MTO1: variants seen among roughly 807,000 people sequenced by gnomAD.
MTO1 encodes the protein 5-taurinomethyluridine-[tRNA] synthase subunit MTO1, mitochondrial.
MTO1 carries 46 observed loss-of-function variants against 71.6 expected under a neutral mutation model. The ratio of observed to expected loss-of-function variants is 0.64; its 90% CI spans 0.51 to 0.82. The LOEUF (loss-of-function observed/expected upper bound fraction) is 0.82, where lower values mean the gene tolerates loss of function less well. Among genes scored for constraint, MTO1 ranks in the 40% least tolerant of loss-of-function variants. The pLI, the probability that MTO1 is intolerant of heterozygous loss-of-function variation, is 0.00. For synonymous variants in MTO1, 297 were observed against 312.1 expected (o/e 0.95, Z 0.51); for missense variants, 773 against 867.5 (o/e 0.89, Z 1.37).
chr6:73,478,244 CA>C (rs34143098), intron 4 of MTO1, among the ~76,000 whole-genome samples: 26,139 of 100,752 alleles, frequency 0.26, 2,222 homozygotes, highest in Middle Eastern at 0.35. Flanking sequence ...GACTCTGTCT[CA>C]AAAAAAAAAA....
rs1177358971 is a variant in MTO1 at position 73,504,760 on chromosome 6, A to C, written c.*4025A>C. ...AAATAAGCCAAGCATGGTGGCACGTACCTGTTGTTCCAGCAACTTGGGGGC... is the reference window on the plus strand; with the variant it reads ...AAATAAGCCAAGCATGGTGGCACGTCCCTGTTGTTCCAGCAACTTGGGGGC... On this transcript the variant is annotated 3_prime_UTR_variant, in exon 12 of 12. Transcript: ENST00000498286. 6.6e-6 allele frequency: 1 copy of C among 152,140 alleles called. No homozygotes were observed. The highest frequency in any genetic ancestry group is 1.9e-4 in the East Asian group (1 of 5,180). The allele number at this position is 152,140 out of a possible 1,614,324, so 9.4% of individuals were successfully genotyped here.
At position 73,508,365 on chromosome 6, in the gene MTO1, G is replaced by T. The variant is rs1412068022; in HGVS notation, c.*7630G>T. On this transcript the variant is annotated 3_prime_UTR_variant, in exon 12 of 12. Coordinates refer to ENST00000498286, the MANE Select transcript of MTO1 (RefSeq NM_012123.4). ...CTTTTAGAATTCTCTTTTAGAGTTG[G>T]TCTACATCCTTTTAAAACATGGGCA... 6.6e-6 allele frequency: 1 copy of T among 151,916 alleles called. No individual in the cohort carries two copies. The highest frequency in any genetic ancestry group is 1.9e-4 in the East Asian group (1 of 5,200). The allele number at this position is 151,916 out of a possible 1,614,324, so 9.4% of individuals were successfully genotyped here.
chr6:73,492,597 C>T (rs1208569353), intron 10 of MTO1: 2 of 342,408 alleles, frequency 5.8e-6, no homozygotes, highest in Non-Finnish European at 1.1e-5. Flanking sequence ...ATTTCTTGAG[C>T]CTGGGCATTC....
chr6:73,472,542 T>G (rs1274219380), intron 3 of MTO1, among the ~76,000 whole-genome samples: 1 of 152,208 alleles, frequency 6.6e-6, no homozygotes, highest in Non-Finnish European at 1.5e-5. Flanking sequence ...TTCTTACTCA[T>G]TTAAAATTCT....
At chr6:73,470,122 C>T (rs1033207067) in intron 3 of MTO1, among the ~76,000 whole-genome samples, 1 of 152,154 alleles carries the variant, frequency 6.6e-6, no homozygotes, top group Non-Finnish European at 1.5e-5. Flanking sequence ...TACCCACTAG[C>T]GTTCTGGGAA....
rs1432742219 is a variant in MTO1, at chr6:73,461,746, C to T, written c.-109C>T. On this transcript the variant is annotated 5_prime_UTR_variant, in exon 1 of 12. Transcript: ENST00000498286. ...GACGCTGGACGTAGACGTCCTACCC[C>T]GTGATATTAAAGCAAGATGGCCGCG... The T allele has an allele frequency of 8.2e-7, 1 of 1,220,580 alleles. No homozygotes were observed. Among genetic ancestry groups the T allele is most frequent in the Non-Finnish European group, 1.2e-6 (1 of 863,296 alleles). The allele number at this position is 1,220,580 out of a possible 1,614,324, so 75.6% of individuals were successfully genotyped here. A position where few individuals can be genotyped will look rare whatever the true frequency, so the allele number is the denominator to read the frequency against.
chr6:73,486,737 C>A, intron 9 of MTO1: 7 of 243,568 alleles, frequency 2.9e-5, no homozygotes, highest in Non-Finnish European at 4.2e-5. Context: ...AGACTTCTCT[C>A]AAAAAAAAAG....
At position 73,504,474 on chromosome 6, in the gene MTO1, G is replaced by A. The variant is rs1772235693; in HGVS notation, c.*3739G>A. ...ATCTGTCTACCTTAAGAAGATATAA[G>A]CCTTGTAAATATAAGCAATATCACA... On this transcript the variant is annotated 3_prime_UTR_variant, in exon 12 of 12. Transcript: ENST00000498286. 1.3e-5 allele frequency: 2 copies of A among 152,166 alleles called. No individual in the cohort carries two copies. The highest frequency in any genetic ancestry group is 2.9e-5 in the Non-Finnish European group (2 of 68,042). The allele number at this position is 152,166 out of a possible 1,614,324, so 9.4% of individuals were successfully genotyped here.
chr6:73,463,386 G>A lies in MTO1; in HGVS notation c.217+1315G>A, dbSNP rs906026250. ...CTGGGTTGTCGTCCCTGGATTTTGT[G>A]TTTAGTACTGGACAGTACTTTTTTT... On this transcript the variant is annotated intron_variant, in intron 1 of 11. Coordinates refer to ENST00000498286, the MANE Select transcript of MTO1 (RefSeq NM_012123.4). Among the ~76,000 whole-genome samples, 6 of 152,238 alleles carry A rather than the reference G, an allele frequency of 3.9e-5. 1 individual carries two copies. Among genetic ancestry groups the A allele is most frequent in the Admixed American group, 3.9e-4 (6 of 15,270 alleles).
chr6:73,475,527 T>C (rs866192215), intron 4 of MTO1, among the ~76,000 whole-genome samples: 39 of 151,576 alleles, frequency 2.6e-4, no homozygotes, highest in Middle Eastern at 3.2e-3. Context: ...TTTTTTTTTT[T>C]CTTTGAGATG....
intron 9 of MTO1, among the ~76,000 whole-genome samples, chr6:73,483,184 G>A (rs186458179): frequency 1.8e-4 from 27 of 152,144 alleles, no homozygotes; most frequent in African/African-American, 6.5e-4. Flanking sequence ...CAAGGCAGTC[G>A]GATCACTTGA....
At position 73,507,971 on chromosome 6, in the gene MTO1, T is replaced by G. The variant is rs1034303486; in HGVS notation, c.*7236T>G. On this transcript the variant is annotated 3_prime_UTR_variant, in exon 12 of 12. Transcript: ENST00000498286. Reference sequence around the variant, plus strand: ...TAGCCTGGGCGACAAAGCGAGACTCTGTCTCAAAAAAAAAAAAAAAAAAAA... The same window carrying G: ...TAGCCTGGGCGACAAAGCGAGACTCGGTCTCAAAAAAAAAAAAAAAAAAAA... 1 of 80,544 alleles carries G rather than the reference T, an allele frequency of 1.2e-5. No homozygotes were observed. Among genetic ancestry groups the G allele is most frequent in the African/African-American group, 5.3e-5 (1 of 18,698 alleles). The allele number at this position is 80,544 out of a possible 1,614,324, so 5.0% of individuals were successfully genotyped here.
chr6:73,463,404 C>CT (rs1561937893), intron 1 of MTO1, among the ~76,000 whole-genome samples: 1 of 152,050 alleles, frequency 6.6e-6, no homozygotes, highest in East Asian at 1.9e-4. Context: ...CTGGACAGTA[C>CT]TTTTTTTGCT....
chr6:73,497,453 C>T (rs2150044824), intron 10 of MTO1, among the ~76,000 whole-genome samples: 1 of 152,030 alleles, frequency 6.6e-6, no homozygotes, highest in East Asian at 1.9e-4. Context: ...CATGCCTGGC[C>T]ACAAATTCTT....
chr6:73,476,451 A>G (rs1166888163), intron 4 of MTO1, among the ~76,000 whole-genome samples: 1 of 144,156 alleles, frequency 6.9e-6, no homozygotes, highest in Non-Finnish European at 1.5e-5. Flanking sequence ...GAGAAAAACA[A>G]AAAAAAGTAA....
intron 1 of MTO1, among the ~76,000 whole-genome samples, chr6:73,465,407 A>T (rs752435006): frequency 1.3e-5 from 2 of 151,226 alleles, no homozygotes; most frequent in African/African-American, 4.9e-5. Flanking sequence ...CCAGCAATCC[A>T]CCCTCTTTGG....
chr6:73,473,427 A>G lies in MTO1; in HGVS notation c.598A>G (p.Met200Val), dbSNP rs773351511. The G allele has an allele frequency of 2.5e-6, 4 of 1,614,088 alleles. No individual in the cohort carries two copies. The highest frequency in any genetic ancestry group is 2.2e-5 in the South Asian group (2 of 91,094). Residue 200 changes from methionine (M) to valine (V), a missense_variant, in exon 4 of 12, where the codon ATG becomes GTG. Coordinates refer to ENST00000498286, the MANE Select transcript of MTO1 (RefSeq NM_012123.4). ...GACTACTGGGACATTTCTGAGAGGC[A>G]TGATTGTAATTGGATTGGAGACGCA... ...ILTTGTFLRG[M>V]IVIGLETHPA...
intron 9 of MTO1, chr6:73,487,790 T>C (rs1771696929): frequency 6.6e-6 from 1 of 151,510 alleles, no homozygotes; most frequent in African/African-American, 2.4e-5. Flanking sequence ...CGTAGAGCAC[T>C]ACAGTCCAGA....
In MTO1 at chr6:73,500,755, T is replaced by C; in HGVS notation, c.*20T>C. The stretch of plus-strand genomic sequence containing the variant: ...TTATAGCTTTCAATTCATAAAAGAT[T>C]TTTAAAGAGCATATAAATAATTTGA... On this transcript the variant is annotated 3_prime_UTR_variant, in exon 12 of 12. Transcript: ENST00000498286. 6.5e-7 allele frequency: 1 copy of C among 1,536,440 alleles called. No homozygotes were observed. Among genetic ancestry groups the C allele is most frequent in the Non-Finnish European group, 8.8e-7 (1 of 1,137,620 alleles).
Sources: gnomAD v4.1 joint callset for allele counts (sites outside exome capture counted in the v4.1 genomes callset) on GRCh38, gnomAD v4.1.1 for gene constraint, MANE v1.5 for transcripts, NCBI Gene and HGNC (gene_info 2026-07-23, HGNC 2026-07-21) for gene names.